Variants in PPARGC1A observed in about 807,000 individuals in gnomAD.
PPARGC1A encodes peroxisome proliferator-activated receptor gamma coactivator 1-alpha.
A neutral mutation model predicts 88.7 loss-of-function variants in PPARGC1A; 25 were observed. That is an observed-to-expected ratio of 0.28 (90% CI 0.21 to 0.39). The LOEUF (loss-of-function observed/expected upper bound fraction) is 0.39. Ranked by LOEUF, PPARGC1A falls within the 10% of genes least tolerant of loss-of-function variation. The probability of loss-of-function intolerance (pLI) is 1.00; values close to 1 mark genes in which losing one functional copy is unlikely to be tolerated. For missense variants in PPARGC1A, 880 were observed against 968.7 expected, an observed-to-expected ratio of 0.91 and a Z score of 1.22; for synonymous variants, 363 against 355.6, an observed-to-expected ratio of 1.02 and a Z score of -0.24.
the PPARGC1A span, among the ~76,000 whole-genome samples, chr4:24,287,954 C>A: frequency 6.6e-6 from 1 of 152,112 alleles, no homozygotes; most frequent in African/African-American, 2.4e-5. Context: ...GCTGATCCAG[C>A]AGCTCCTTCT....
At chr4:24,223,733 A>G in the PPARGC1A span, among the ~76,000 whole-genome samples, 9 of 152,342 alleles carry the variant, frequency 5.9e-5, no homozygotes, top group East Asian at 1.7e-3. Flanking sequence ...AAAAATAGTA[A>G]CTATGGAAGT....
chr4:23,895,369 G>A (rs1718428711), intron 1 of PPARGC1A, among the ~76,000 whole-genome samples: 2 of 150,914 alleles, frequency 1.3e-5, no homozygotes, highest in African/African-American at 4.9e-5. Flanking sequence ...GTCTTGGAAA[G>A]ATTTTTGGTT....
the PPARGC1A span, among the ~76,000 whole-genome samples, chr4:24,469,264 C>A: frequency 6.6e-6 from 1 of 152,182 alleles, no homozygotes; most frequent in Non-Finnish European, 1.5e-5. Context: ...CAGTTAGGAG[C>A]AGGTTTCTCA....
chr4:24,238,009 A>T, the PPARGC1A span, among the ~76,000 whole-genome samples: 7 of 152,330 alleles, frequency 4.6e-5, no homozygotes, highest in South Asian at 6.2e-4. Flanking sequence ...TTCCACGTGG[A>T]TGAGGAAATC....
chr4:24,414,230 A>G, the PPARGC1A span, among the ~76,000 whole-genome samples: 1 of 152,186 alleles, frequency 6.6e-6, no homozygotes, highest in Non-Finnish European at 1.5e-5. Context: ...TTACAAAGCG[A>G]TTTCATGTAC....
At chr4:23,938,068 T>C in the PPARGC1A span, among the ~76,000 whole-genome samples, 2 of 151,658 alleles carry the variant, frequency 1.3e-5, no homozygotes, top group African/African-American at 4.9e-5. Context: ...GAGGCCAAAA[T>C]GGGTCCTATG....
the PPARGC1A span, among the ~76,000 whole-genome samples, chr4:24,155,006 C>T: frequency 1.4e-4 from 22 of 152,102 alleles, no homozygotes; most frequent in Admixed American, 4.6e-4. Flanking sequence ...TAAAAACCAG[C>T]ATGATGTAGT....
chr4:24,424,219 A>G, the PPARGC1A span, among the ~76,000 whole-genome samples: 3 of 130,132 alleles, frequency 2.3e-5, no homozygotes, highest in Admixed American at 7.3e-5. Flanking sequence ...TAGGAAAAGG[A>G]AAAAAAAAAT....
At chr4:24,205,656 T>C in the PPARGC1A span, among the ~76,000 whole-genome samples, 1 of 152,136 alleles carries the variant, frequency 6.6e-6, no homozygotes, top group African/African-American at 2.4e-5. Context: ...CACGCTCCGA[T>C]CTTATCCTTC....
chr4:24,140,589 G>A, the PPARGC1A span, among the ~76,000 whole-genome samples: 131 of 152,322 alleles, frequency 8.6e-4, no homozygotes, highest in African/African-American at 3.1e-3. Context: ...GGAATGCCAG[G>A]ACTTGTGTGC....
chr4:24,000,935 G>A, the PPARGC1A span, among the ~76,000 whole-genome samples: 25,256 of 151,972 alleles, frequency 0.17, 2,201 homozygotes, highest in East Asian at 0.25. Flanking sequence ...GATGAATAAG[G>A]GAGCTACTTA....
chr4:24,277,132 G>A, the PPARGC1A span, among the ~76,000 whole-genome samples: 1 of 152,116 alleles, frequency 6.6e-6, no homozygotes, highest in Non-Finnish European at 1.5e-5. Flanking sequence ...TCGCTCTGTT[G>A]CCCAGGCTGG....
chr4:24,402,258 G>C, the PPARGC1A span, among the ~76,000 whole-genome samples: 1 of 152,144 alleles, frequency 6.6e-6, no homozygotes, highest in Non-Finnish European at 1.5e-5. Context: ...TACTCCTCAG[G>C]GTTCTTGGAC....
the PPARGC1A span, among the ~76,000 whole-genome samples, chr4:24,421,424 C>A: frequency 6.6e-6 from 1 of 151,860 alleles, no homozygotes; most frequent in Non-Finnish European, 1.5e-5. Context: ...CCTTCTCCTG[C>A]CTCAGCCTCC....
chr4:24,065,865 C>CT, the PPARGC1A span, among the ~76,000 whole-genome samples: 4 of 152,142 alleles, frequency 2.6e-5, no homozygotes, highest in Non-Finnish European at 4.4e-5. Flanking sequence ...GAGGAACCCC[C>CT]TGTGCTGTGC....
At chr4:24,134,146 T>C in the PPARGC1A span, among the ~76,000 whole-genome samples, 2 of 152,228 alleles carry the variant, frequency 1.3e-5, no homozygotes, top group African/African-American at 4.8e-5. Context: ...CTTAGACCAT[T>C]CCTTCCGATA....
intron 1 of PPARGC1A, among the ~76,000 whole-genome samples, chr4:23,886,184 TCCAAGGTCAG>T (rs1716858288): frequency 6.6e-6 from 1 of 152,220 alleles, no homozygotes. Flanking sequence ...GGCCCTGCCT[TCCAAGGTCAG>T]GAGAGATGCT....
chr4:24,100,574 C>T, the PPARGC1A span, among the ~76,000 whole-genome samples: 1 of 152,088 alleles, frequency 6.6e-6, no homozygotes, highest in Non-Finnish European at 1.5e-5. Flanking sequence ...GTTCAGATGA[C>T]TGATTTTGTA....
chr4:24,028,901 T>C, the PPARGC1A span, among the ~76,000 whole-genome samples: 2 of 152,170 alleles, frequency 1.3e-5, 1 homozygote, highest in South Asian at 4.1e-4. Flanking sequence ...TGTGCCATTT[T>C]TACTTTTATT....
Sources: allele counts gnomAD v4.1 joint callset (sites outside exome capture counted in the v4.1 genomes callset), GRCh38; gene constraint gnomAD v4.1.1; transcripts MANE v1.5; gene names NCBI Gene and HGNC (gene_info 2026-07-23, HGNC 2026-07-21).